EYS: variants seen among roughly 807,000 people sequenced by gnomAD.
The protein encoded by EYS is protein eyes shut homolog.
Under a neutral mutation model 282.1 loss-of-function variants are expected in EYS, and 250 were observed. The observed-to-expected ratio is 0.89, with a 90% confidence interval of 0.80 to 0.98. The LOEUF is 0.98. EYS is among the 50% of genes least tolerant of loss of function. The probability of loss-of-function intolerance (pLI) is 0.00; values close to 1 mark genes in which losing one functional copy is unlikely to be tolerated. For synonymous variants in EYS, 1,355 were observed against 1,282.9 expected, an observed-to-expected ratio of 1.06 and a Z score of -1.20; for missense variants, 4,016 against 3,709.0, an observed-to-expected ratio of 1.08 and a Z score of -2.15.
At chr6:64,598,445 T>A (rs1162381) in intron 24 of EYS, among the ~76,000 whole-genome samples, 18,653 of 152,194 alleles carry the variant, frequency 0.12, 1,180 homozygotes, top group East Asian at 0.17. Context: ...TGGGCGACAG[T>A]GCGAGACTCC....
intron 30 of EYS, among the ~76,000 whole-genome samples, chr6:64,248,623 C>T (rs531022195): frequency 2.0e-5 from 3 of 152,098 alleles, no homozygotes; most frequent in South Asian, 4.1e-4. Context: ...AACTTTTATA[C>T]ACTGTTGGTA....
intron 37 of EYS, among the ~76,000 whole-genome samples, chr6:63,798,985 GTGTATATATATATATATATATA>G (rs1171950135): frequency 9.1e-5 from 8 of 87,570 alleles, no homozygotes; most frequent in Non-Finnish European, 8.3e-5. Flanking sequence ...ATGTATATGT[GTGTATATATATATATATATATA>G]TATATATATA....
intron 31 of EYS, among the ~76,000 whole-genome samples, chr6:64,195,161 A>G (rs1443073144): frequency 1.3e-5 from 2 of 152,088 alleles, no homozygotes; most frequent in Non-Finnish European, 2.9e-5. Flanking sequence ...ATGCAACTGC[A>G]TCCCTTTCTT....
At chr6:64,357,773 A>T (rs1230180510) in intron 29 of EYS, among the ~76,000 whole-genome samples, 1 of 151,606 alleles carries the variant, frequency 6.6e-6, no homozygotes, top group East Asian at 2.0e-4. Flanking sequence ...ACAAGACAAT[A>T]CATTAAAAGT....
At chr6:64,657,207 G>A (rs1259750091) in intron 22 of EYS, among the ~76,000 whole-genome samples, 2 of 151,962 alleles carry the variant, frequency 1.3e-5, no homozygotes, top group Non-Finnish European at 2.9e-5. Flanking sequence ...CATTTGCTTG[G>A]TAGATCTTCC....
chr6:64,659,951 C>G (rs9445099), intron 22 of EYS, among the ~76,000 whole-genome samples: 30,189 of 152,076 alleles, frequency 0.2, 3,462 homozygotes, highest in East Asian at 0.35. Flanking sequence ...AATTTCAGAC[C>G]AATATCCCTG....
At chr6:64,670,809 T>C (rs150501757) in intron 22 of EYS, among the ~76,000 whole-genome samples, 11 of 152,316 alleles carry the variant, frequency 7.2e-5, no homozygotes, top group Middle Eastern at 6.8e-3. Context: ...AACTCAGGTT[T>C]ATACTATTTT....
At chr6:64,091,635 A>G (rs751391899) in intron 31 of EYS, among the ~76,000 whole-genome samples, 2 of 152,186 alleles carry the variant, frequency 1.3e-5, no homozygotes, top group Non-Finnish European at 2.9e-5. Context: ...GGCTGGGTGG[A>G]TCAGGCACTG....
chr6:63,722,589 T>G (rs1226253729), intron 42 of EYS, among the ~76,000 whole-genome samples: 1 of 152,248 alleles, frequency 6.6e-6, no homozygotes, highest in Admixed American at 6.5e-5. Flanking sequence ...ACTGTAAGAT[T>G]GCTTGAAGAG....
chr6:65,560,670 A>T (rs1381606102), intron 2 of EYS, among the ~76,000 whole-genome samples: 1 of 151,958 alleles, frequency 6.6e-6, no homozygotes, highest in Non-Finnish European at 1.5e-5. Flanking sequence ...TTTCTGAAGA[A>T]TCTAAAAGCA....
At chr6:65,316,144 C>A (rs888403142) in intron 11 of EYS, among the ~76,000 whole-genome samples, 20 of 152,006 alleles carry the variant, frequency 1.3e-4, no homozygotes, top group Non-Finnish European at 2.5e-4. Flanking sequence ...GGATGCAAGT[C>A]TTTTGTTAGT....
chr6:64,821,688 C>A lies in EYS; in HGVS notation c.3200G>T (p.Cys1067Phe). ...TELINEYPCSCDADGTSTQCK... is the reference protein window; with the variant it reads ...TELINEYPCSFDADGTSTQCK... ...TTGTGTGCTAGTCCCATCTGCATCACATGAACATGGATATTCATTAATAAG... is the reference window on the plus strand; with the variant it reads ...TTGTGTGCTAGTCCCATCTGCATCAAATGAACATGGATATTCATTAATAAG... Residue 1067 changes from cysteine to phenylalanine, a missense_variant, in exon 21 of 43, where the codon TGT becomes TTT. Cys to Phe is a radical substitution (Grantham distance 205, BLOSUM62 -2). Transcript: ENST00000503581. 2 of 1,526,756 alleles carry A rather than the reference C, an allele frequency of 1.3e-6. No individual in the cohort carries two copies. The highest frequency in any genetic ancestry group is 1.8e-6 in the Non-Finnish European group (2 of 1,129,004). 94.6% of individuals were successfully genotyped at this position (1,526,756 alleles called of 1,614,324 possible).
chr6:65,615,180 C>A (rs1766141192), intron 2 of EYS, among the ~76,000 whole-genome samples: 2 of 151,930 alleles, frequency 1.3e-5, no homozygotes, highest in South Asian at 4.1e-4. Flanking sequence ...TTACTTTGTC[C>A]TTTCATTTTT....
intron 7 of EYS, among the ~76,000 whole-genome samples, chr6:65,391,263 G>C (rs1218838244): frequency 5.3e-5 from 8 of 152,026 alleles, no homozygotes; most frequent in Non-Finnish European, 7.4e-5. Context: ...TGTACTAATA[G>C]TAGCAAAAGC....
intron 31 of EYS, among the ~76,000 whole-genome samples, chr6:64,084,059 T>C (rs772449590): frequency 6.6e-6 from 1 of 152,194 alleles, no homozygotes; most frequent in Non-Finnish European, 1.5e-5. Context: ...TTAGTATAAG[T>C]ATGTCTCAAA....
chr6:65,086,957 G>C (rs910577301), intron 12 of EYS, among the ~76,000 whole-genome samples: 1 of 151,866 alleles, frequency 6.6e-6, no homozygotes, highest in African/African-American at 2.4e-5. Context: ...TGAGTAGCTG[G>C]GACTACAGGT....
intron 40 of EYS, among the ~76,000 whole-genome samples, chr6:63,763,175 T>C (rs1271980191): frequency 6.6e-6 from 1 of 152,008 alleles, no homozygotes. Context: ...AAAATGAATC[T>C]TGACCAAGAG....
intron 21 of EYS, 45 bp from the exon 22 acceptor site, chr6:64,813,622 T>TC (rs1562205465): frequency 1.7e-6 from 2 of 1,165,200 alleles, no homozygotes; most frequent in South Asian, 1.9e-5. Flanking sequence ...TAGTATAAGG[T>TC]TGACCATTTT....
chr6:64,003,655 T>C (rs990924347), intron 33 of EYS, among the ~76,000 whole-genome samples: 9 of 152,220 alleles, frequency 5.9e-5, no homozygotes, highest in African/African-American at 2.2e-4. Context: ...TGAATATTGC[T>C]TTTTGGTATT....
Sources: allele counts gnomAD v4.1 joint callset (sites outside exome capture counted in the v4.1 genomes callset), GRCh38; gene constraint gnomAD v4.1.1; transcripts MANE v1.5; gene names NCBI Gene and HGNC (gene_info 2026-07-23, HGNC 2026-07-21).